The following PCDHGB5 variants were observed in gnomAD, a reference collection of about 807,000 sequenced individuals.
PCDHGB5 encodes protocadherin gamma subfamily B, 5, also known as protocadherin gamma-B5.
Under a neutral mutation model 62.9 loss-of-function variants are expected in PCDHGB5, and 48 were observed. That is an observed-to-expected ratio of 0.76 (90% confidence interval 0.61 to 0.97). The LOEUF is 0.97. Among genes scored for constraint, PCDHGB5 ranks in the 50% least tolerant of loss-of-function variants. The pLI is 0.00. For missense variants in PCDHGB5, 1,118 were observed against 1,198.6 expected (o/e 0.93, Z 0.99); for synonymous variants, 474 against 511.2 (o/e 0.93, Z 0.98).
At chr5:141,410,216 C>T in intron 1 of PCDHGB5, 1 of 1,614,002 alleles carries the variant, frequency 6.2e-7, no homozygotes, top group Non-Finnish European at 8.5e-7. Flanking sequence ...GCAAGAGATA[C>T]TGCCAGACCT....
chr5:141,421,464 T>A lies in PCDHGB5; in HGVS notation c.2397+20940T>A, dbSNP rs773727821. ...GGAAGACACAGCTTTTCGCTGTGAA[T>A]CCGCGAAGCGGCAGCTTGATCACGG... On this transcript the variant is annotated intron_variant, in intron 1 of 3. Transcript: ENST00000617380. 17 of 1,613,972 alleles carry A rather than the reference T, an allele frequency of 1.1e-5. No individual in the cohort carries two copies. In the East Asian group the frequency reaches 3.6e-4, roughly 34 times the overall value.
chr5:141,450,565 C>A (rs1024229182), intron 1 of PCDHGB5, among the ~76,000 whole-genome samples: 4 of 152,016 alleles, frequency 2.6e-5, no homozygotes, highest in African/African-American at 9.7e-5. Flanking sequence ...CGGCTCACTG[C>A]AACTTCTGCC....
intron 1 of PCDHGB5, among the ~76,000 whole-genome samples, chr5:141,455,603 C>T (rs1433078116): frequency 3.3e-5 from 5 of 152,190 alleles, no homozygotes; most frequent in Admixed American, 2.6e-4. Context: ...CGTAGGGCGC[C>T]ATGGATGTTC....
rs1472816403 is a variant in PCDHGB5 at position 141,451,473 on chromosome 5, C to T, written c.2398-43334C>T. On this transcript the variant is annotated intron_variant, in intron 1 of 3. Transcript: ENST00000617380. ...TGTTAGCTTGAGGTCTACCTCAGTTCCTTGCCATGTGGACCTCCATAGGGC... is the reference window on the plus strand; with the variant it reads ...TGTTAGCTTGAGGTCTACCTCAGTTTCTTGCCATGTGGACCTCCATAGGGC... Among the ~76,000 whole-genome samples the T allele has an allele frequency of 2.0e-5, 3 of 152,218 alleles. No homozygotes were observed. In the East Asian group the frequency reaches 5.8e-4, roughly 29 times the overall value.
At chr5:141,441,196 G>C (rs575668023) in intron 1 of PCDHGB5, 2 of 152,266 alleles carry the variant, frequency 1.3e-5, no homozygotes, top group East Asian at 3.9e-4. Flanking sequence ...GATTCCCAAA[G>C]ATTCTGCACC....
intron 2 of PCDHGB5, among the ~76,000 whole-genome samples, chr5:141,497,539 C>A (rs2099777336): frequency 6.9e-6 from 1 of 145,274 alleles, no homozygotes; most frequent in African/African-American, 2.6e-5. Context: ...ATGCAACAAA[C>A]CTTTTTTTTT....
intron 1 of PCDHGB5, chr5:141,421,308 C>T: frequency 6.2e-7 from 1 of 1,613,678 alleles, no homozygotes; most frequent in Non-Finnish European, 8.5e-7. Flanking sequence ...TGCGGGGGTT[C>T]CGGGCCAGGC....
intron 1 of PCDHGB5, chr5:141,403,631 C>A (rs751580878): frequency 2.5e-6 from 4 of 1,613,912 alleles, no homozygotes; most frequent in Non-Finnish European, 2.5e-6. Flanking sequence ...CAGCACAGTG[C>A]GCATCCATGT....
intron 1 of PCDHGB5, among the ~76,000 whole-genome samples, chr5:141,481,095 C>T (rs1456056389): frequency 1.3e-5 from 2 of 152,120 alleles, no homozygotes; most frequent in African/African-American, 2.4e-5. Context: ...AAAAGCAGTA[C>T]TCTGGAACCT....
intron 1 of PCDHGB5, among the ~76,000 whole-genome samples, chr5:141,467,211 C>G (rs1288732759): frequency 6.6e-6 from 1 of 152,068 alleles, no homozygotes; most frequent in Non-Finnish European, 1.5e-5. Context: ...TGCCACCATG[C>G]CTGGCTAATT....
chr5:141,404,227 A>G, intron 1 of PCDHGB5: 3 of 1,613,818 alleles, frequency 1.9e-6, no homozygotes, highest in East Asian at 2.2e-5. Context: ...TGACTGCAAC[A>G]GACAGAGGAA....
At chr5:141,446,985 C>T (rs1411339328) in intron 1 of PCDHGB5, among the ~76,000 whole-genome samples, 1 of 152,064 alleles carries the variant, frequency 6.6e-6, no homozygotes, top group Non-Finnish European at 1.5e-5. Context: ...AATTCATACT[C>T]CACTCTTCAG....
In PCDHGB5 at chr5:141,432,399, C is replaced by T. The variant is rs2097496727; in HGVS notation, c.2397+31875C>T. ...CACCCGCCCCTCAGCAGCAACGTGT[C>T]GTTGAGCCTGTTCGTGCTGGACCAG... is the stretch of plus-strand genomic sequence containing the variant. On this transcript the variant is annotated intron_variant, in intron 1 of 3. Coordinates refer to ENST00000617380, the MANE Select transcript of PCDHGB5 (RefSeq NM_018925.3). This position sits in a 1 kb window ranked among gnomAD's most constrained non-coding sequence, Gnocchi z 6.0. 1.2e-6 allele frequency: 2 copies of T among 1,614,240 alleles called. No homozygotes were observed. Among genetic ancestry groups the T allele is most frequent in the Non-Finnish European group, 1.7e-6 (2 of 1,180,040 alleles).
intron 1 of PCDHGB5, chr5:141,407,886 A>G (rs1390921977): frequency 2.6e-6 from 1 of 384,594 alleles, no homozygotes; most frequent in Non-Finnish European, 4.6e-6. Context: ...CATTTCGGAG[A>G]CCGAATTCAA....
rs776773140 is a variant in PCDHGB5, at chr5:141,476,589, G to T, written c.2398-18218G>T. The T allele has an allele frequency of 6.2e-7, 1 of 1,614,246 alleles. No individual in the cohort carries two copies. Among genetic ancestry groups the T allele is most frequent in the South Asian group, 1.1e-5 (1 of 91,090 alleles). On this transcript the variant is annotated intron_variant, in intron 1 of 3. Coordinates refer to ENST00000617380, the MANE Select transcript of PCDHGB5 (RefSeq NM_018925.3). This position sits in a 1 kb window ranked among gnomAD's most constrained non-coding sequence, Gnocchi z 7.6. ...CCGGGGACGCGCTTTCCGCTCGAGA[G>T]CGCGCACGATCCCGATGTGGGAAGC...
chr5:141,480,816 G>A (rs1400500941), intron 1 of PCDHGB5, among the ~76,000 whole-genome samples: 4 of 152,208 alleles, frequency 2.6e-5, no homozygotes, highest in Admixed American at 2.0e-4. Flanking sequence ...GGAGGCTGAG[G>A]TGGGTGGATC....
chr5:141,398,707 C>G lies in PCDHGB5; in HGVS notation c.580C>G (p.Leu194Val), dbSNP rs1257471989. ...EKQDGSKYPE[L>V]ALEKTLDREQ... ...ACAGGATGGTAGTAAATACCCGGAA[C>G]TGGCACTGGAGAAAACCTTAGACCG... Residue 194 changes from leucine to valine, a missense_variant, in exon 1 of 4, where the codon CTG (leucine) becomes GTG (valine). Physicochemically the swap from Leu to Val is conservative, Grantham distance 32 (BLOSUM62 1). Around this residue, in one of 2 missense-constraint regions of PCDHGB5, gnomAD observed 1,034 missense variants for 1,029.1 expected, o/e 1.00. Transcript: ENST00000617380. 6.8e-6 allele frequency: 11 copies of G among 1,613,742 alleles called. No homozygotes were observed. The highest frequency in any genetic ancestry group is 1.3e-5 in the African/African-American group (1 of 74,932).
chr5:141,449,073 T>C (rs889880816), intron 1 of PCDHGB5, among the ~76,000 whole-genome samples: 1 of 152,246 alleles, frequency 6.6e-6, no homozygotes, highest in African/African-American at 2.4e-5. Flanking sequence ...TGAATAGCCC[T>C]GTACCTACAT....
intron 1 of PCDHGB5, chr5:141,430,990 GA>G (rs1185464233): frequency 1.2e-6 from 2 of 1,613,970 alleles, no homozygotes; most frequent in East Asian, 4.5e-5. Context: ...TTTTCGCCCT[GA>G]ATCCGCGCAG....
Sources: allele counts gnomAD v4.1 joint callset (sites outside exome capture counted in the v4.1 genomes callset), GRCh38; gene constraint gnomAD v4.1.1; regional missense constraint gnomAD v4.1.1; non-coding constraint Gnocchi (gnomAD v3.1); transcripts MANE v1.5; gene names NCBI Gene and HGNC (gene_info 2026-07-23, HGNC 2026-07-21).